RALYL: variants seen among roughly 807,000 people sequenced by gnomAD.
RALYL encodes RNA-binding Raly-like protein.
In RALYL, 29 loss-of-function variants were observed where a neutral mutation model predicts 35.1. The observed-to-expected ratio is 0.83, with a 90% CI of 0.61 to 1.13. RALYL has a LOEUF of 1.13. Among genes scored for constraint, RALYL ranks in the 50% most tolerant of loss-of-function variants. The pLI is 0.00. For missense variants in RALYL, 359 were observed against 360.4 expected (o/e 1.00, Z 0.03); for synonymous variants, 120 against 127.6 (o/e 0.94, Z 0.40).
At position 84,661,942 on chromosome 8, in the gene RALYL, GTT is replaced by G. The variant is rs201193434; in HGVS notation, c.257-112625_257-112624del. ...TAGTCATAGTCACATTTTTGTTACTGTTTTTTTTTTTTTCCTTGTGGTCCCAT... is the reference window on the plus strand; with the variant it reads ...TAGTCATAGTCACATTTTTGTTACTGTTTTTTTTTTTCCTTGTGGTCCCAT... On this transcript the variant is annotated intron_variant, in intron 2 of 8. Coordinates refer to ENST00000521268, the MANE Select transcript of RALYL (RefSeq NM_173848.7). Among the ~76,000 whole-genome samples, 353 of 139,798 alleles carry G rather than the reference GTT, an allele frequency of 2.5e-3. 4 individuals are homozygous for G. Among genetic ancestry groups the G allele is most frequent in the African/African-American group, 8.8e-3 (341 of 38,714 alleles). The allele number at this position is 139,798 out of a possible 152,430, so 91.7% of individuals were successfully genotyped here. A position where few individuals can be genotyped will look rare whatever the true frequency, so the allele number is the denominator to read the frequency against.
intron 1 of RALYL, among the ~76,000 whole-genome samples, chr8:84,274,857 G>T (rs539628078): frequency 6.6e-6 from 1 of 152,238 alleles, no homozygotes; most frequent in Non-Finnish European, 1.5e-5. Context: ...GCATCTGAAA[G>T]AGACAGTCTT....
At chr8:84,746,923 A>T (rs1236384643) in intron 2 of RALYL, among the ~76,000 whole-genome samples, 4 of 151,910 alleles carry the variant, frequency 2.6e-5, no homozygotes, top group Non-Finnish European at 5.9e-5. Context: ...AAAGTTATAC[A>T]TTCAAGTCTT....
At position 84,352,185 on chromosome 8, in the gene RALYL, T is replaced by C. The variant is rs185247675; in HGVS notation, c.-24+167761T>C. Among the ~76,000 whole-genome samples, 161 of 150,492 alleles carry C rather than the reference T, an allele frequency of 1.1e-3. 11 individuals carry two copies. Among genetic ancestry groups the C allele is most frequent in the African/African-American group, 3.7e-3 (148 of 40,548 alleles). ...CTTTTTTTCCCCTCCAATTTGCTAT[T>C]TCAGTGCTAGTAATATAAATCCATT... On this transcript the variant is annotated intron_variant, in intron 1 of 8. Coordinates refer to ENST00000521268, the MANE Select transcript of RALYL (RefSeq NM_173848.7).
intron 5 of RALYL, among the ~76,000 whole-genome samples, chr8:84,861,056 A>G (rs1490398508): frequency 6.6e-6 from 1 of 152,162 alleles, no homozygotes; most frequent in Non-Finnish European, 1.5e-5. Context: ...TTAACCTATT[A>G]TAGAACTTGT....
At chr8:84,252,778 T>G (rs1174296524) in intron 1 of RALYL, among the ~76,000 whole-genome samples, 1 of 152,112 alleles carries the variant, frequency 6.6e-6, no homozygotes, top group Non-Finnish European at 1.5e-5. Flanking sequence ...TGTTGATGGT[T>G]TTTAATTAAG....
intron 4 of RALYL, among the ~76,000 whole-genome samples, chr8:84,818,717 A>G (rs1264606608): frequency 6.6e-6 from 1 of 152,186 alleles, no homozygotes; most frequent in Admixed American, 6.6e-5. Context: ...GAAGAGTGAT[A>G]TTATCCAAAG....
intron 2 of RALYL, among the ~76,000 whole-genome samples, chr8:84,638,173 A>G (rs927946389): frequency 1.3e-5 from 2 of 152,006 alleles, no homozygotes; most frequent in African/African-American, 2.4e-5. Context: ...AAAACTATGC[A>G]AATACATGGA....
intron 1 of RALYL, among the ~76,000 whole-genome samples, chr8:84,313,240 G>T (rs183161742): frequency 6.6e-6 from 1 of 152,156 alleles, no homozygotes; most frequent in Non-Finnish European, 1.5e-5. Flanking sequence ...CCTGGCCCAC[G>T]AAACCATTTT....
intron 1 of RALYL, among the ~76,000 whole-genome samples, chr8:84,506,043 C>CTGATTAAATTGATCA (rs1249656905): frequency 3.9e-5 from 6 of 151,992 alleles, no homozygotes; most frequent in African/African-American, 1.4e-4. Context: ...AAACCTAACA[C>CTGATTAAATTGATCA]CGATTAAATT....
chr8:84,736,458 G>C (rs1847327920), intron 2 of RALYL, among the ~76,000 whole-genome samples: 1 of 152,028 alleles, frequency 6.6e-6, no homozygotes, highest in African/African-American at 2.4e-5. Context: ...GGAACTTAGA[G>C]GTTGAAAAAG....
At chr8:84,432,386 A>G (rs1279100424) in intron 1 of RALYL, among the ~76,000 whole-genome samples, 3 of 152,096 alleles carry the variant, frequency 2.0e-5, no homozygotes, top group Non-Finnish European at 4.4e-5. Flanking sequence ...GGGAGGGGAG[A>G]AATAGGGAGC....
At chr8:84,261,707 G>C (rs1426416028) in intron 1 of RALYL, among the ~76,000 whole-genome samples, 1 of 151,990 alleles carries the variant, frequency 6.6e-6, no homozygotes, top group South Asian at 2.1e-4. Context: ...CAAATCATCT[G>C]AGCTTGCTTT....
At chr8:84,375,743 A>T (rs1856785264) in intron 1 of RALYL, among the ~76,000 whole-genome samples, 2 of 151,878 alleles carry the variant, frequency 1.3e-5, no homozygotes, top group Non-Finnish European at 2.9e-5. Context: ...TTGCCAAAGT[A>T]GATATAAATA....
At chr8:84,573,106 A>G (rs1345723119) in intron 2 of RALYL, among the ~76,000 whole-genome samples, 1 of 151,320 alleles carries the variant, frequency 6.6e-6, no homozygotes, top group Non-Finnish European at 1.5e-5. Flanking sequence ...CTTTATGTAT[A>G]TTATTAACAC....
intron 1 of RALYL, among the ~76,000 whole-genome samples, chr8:84,442,400 A>G (rs2048424796): frequency 6.6e-6 from 1 of 152,084 alleles, no homozygotes; most frequent in Admixed American, 6.6e-5. Context: ...TCTAGTATTA[A>G]ATTCTTTATA....
intron 2 of RALYL, among the ~76,000 whole-genome samples, chr8:84,651,115 A>C (rs1471966921): frequency 1.3e-5 from 2 of 151,990 alleles, no homozygotes; most frequent in Non-Finnish European, 2.9e-5. Context: ...AGATATACCT[A>C]ATGCTAAATG....
chr8:84,598,936 T>G (rs895909369), intron 2 of RALYL, among the ~76,000 whole-genome samples: 2 of 152,154 alleles, frequency 1.3e-5, no homozygotes, highest in African/African-American at 4.8e-5. Context: ...CTAGCATTTG[T>G]TACTTTTTGT....
chr8:84,682,648 C>T (rs1415516045), intron 2 of RALYL, among the ~76,000 whole-genome samples: 2 of 152,140 alleles, frequency 1.3e-5, no homozygotes. Flanking sequence ...ATAGTATTCT[C>T]TGATGGTATT....
intron 2 of RALYL, among the ~76,000 whole-genome samples, chr8:84,677,971 G>A (rs1054509181): frequency 2.6e-5 from 4 of 152,096 alleles, no homozygotes; most frequent in Non-Finnish European, 4.4e-5. Flanking sequence ...CTTCTCTGGA[G>A]TGCTAGAGCT....
Sources: allele counts gnomAD v4.1 joint callset (sites outside exome capture counted in the v4.1 genomes callset), GRCh38; gene constraint gnomAD v4.1.1; transcripts MANE v1.5; gene names NCBI Gene and HGNC (gene_info 2026-07-23, HGNC 2026-07-21).